Variants in CSMD1 observed in about 807,000 individuals in gnomAD.
The protein encoded by CSMD1 is CUB and sushi domain-containing protein 1.
CSMD1 carries 213 observed loss-of-function variants against 417.5 expected under a neutral mutation model. The ratio of observed to expected loss-of-function variants is 0.51; its 90% CI spans 0.46 to 0.57. The LOEUF is 0.57. CSMD1 is among the 20% of genes least tolerant of loss of function. The probability of loss-of-function intolerance (pLI) is 0.00; values close to 1 mark genes in which losing one functional copy is unlikely to be tolerated. For missense variants in CSMD1, 6,923 were observed against 4,529.7 expected (o/e 1.53, Z -15.17); for synonymous variants, 2,862 against 1,736.8 (o/e 1.65, Z -16.11).
At chr8:4,937,279 C>T (rs1021809164) in intron 1 of CSMD1, among the ~76,000 whole-genome samples, 16 of 152,096 alleles carry the variant, frequency 1.1e-4, no homozygotes, top group Non-Finnish European at 2.9e-5. Flanking sequence ...ATAGTCCTAT[C>T]TTCACTGGGG....
intron 26 of CSMD1, among the ~76,000 whole-genome samples, chr8:3,257,504 G>T (rs58330670): frequency 6.6e-6 from 1 of 152,160 alleles, no homozygotes; most frequent in African/African-American, 2.4e-5. Flanking sequence ...GTGACAGTGC[G>T]TTGGGATAAA....
At chr8:4,020,874 T>C (rs1796754327) in intron 4 of CSMD1, among the ~76,000 whole-genome samples, 1 of 152,222 alleles carries the variant, frequency 6.6e-6, no homozygotes, top group Non-Finnish European at 1.5e-5. Flanking sequence ...AGGGACCCTA[T>C]TTTTGGTCCT....
Position 3,016,796 on chromosome 8 carries a change from G to A in CSMD1, c.8029+1681C>T, listed in dbSNP as rs561465135. Among the ~76,000 whole-genome samples, 5 of 152,210 alleles carry A rather than the reference G, an allele frequency of 3.3e-5. No homozygotes were observed. In the South Asian group the frequency reaches 1.0e-3, roughly 32 times the overall value. ...TGAGCAAATGGACTCATTTCTGAGT[G>A]AATCATCTTTCAAAAGCTGCTAAGA... On this transcript the variant is annotated intron_variant, in intron 52 of 69. Coordinates refer to ENST00000635120, the MANE Select transcript of CSMD1 (RefSeq NM_033225.6).
intron 1 of CSMD1, among the ~76,000 whole-genome samples, chr8:4,848,168 C>G (rs1022005629): frequency 4.6e-5 from 7 of 152,158 alleles, no homozygotes; most frequent in African/African-American, 1.7e-4. Flanking sequence ...CTTGGTCTGG[C>G]TGAATAATAT....
At chr8:4,570,253 C>G (rs1284760132) in intron 2 of CSMD1, among the ~76,000 whole-genome samples, 1 of 152,168 alleles carries the variant, frequency 6.6e-6, no homozygotes, top group Non-Finnish European at 1.5e-5. Flanking sequence ...TTTGACCATT[C>G]TGTATGACAT....
intron 3 of CSMD1, among the ~76,000 whole-genome samples, chr8:4,149,002 T>G (rs552041778): frequency 6.6e-6 from 1 of 152,046 alleles, no homozygotes; most frequent in East Asian, 1.9e-4. Context: ...TCACTCTTGT[T>G]GCCCAGGCTG....
intron 54 of CSMD1, among the ~76,000 whole-genome samples, chr8:2,996,481 G>A (rs1200281969): frequency 6.6e-6 from 1 of 152,176 alleles, no homozygotes; most frequent in Non-Finnish European, 1.5e-5. Context: ...AGGAGCTGAG[G>A]GCAGGGTGAG....
intron 1 of CSMD1, among the ~76,000 whole-genome samples, chr8:4,947,887 G>T (rs1349544119): frequency 6.6e-6 from 1 of 151,982 alleles, no homozygotes; most frequent in East Asian, 1.9e-4. Context: ...ATATTGCAAG[G>T]TGTGCGTCCA....
At chr8:3,835,196 G>T (rs1182489602) in intron 5 of CSMD1, among the ~76,000 whole-genome samples, 1 of 149,924 alleles carries the variant, frequency 6.7e-6, no homozygotes, top group South Asian at 2.1e-4. Context: ...AATACCATTT[G>T]ACCCAGCCAT....
intron 57 of CSMD1, among the ~76,000 whole-genome samples, chr8:2,971,733 TTTGA>T (rs1295258468): frequency 2.0e-5 from 3 of 152,202 alleles, no homozygotes; most frequent in African/African-American, 7.2e-5. Flanking sequence ...AACATTTGCA[TTTGA>T]TTAACAAATT....
At chr8:4,539,843 A>G (rs1797291831) in intron 2 of CSMD1, among the ~76,000 whole-genome samples, 1 of 152,128 alleles carries the variant, frequency 6.6e-6, no homozygotes, top group Admixed American at 6.5e-5. Context: ...TAGTTTTCCC[A>G]AACTCTTTTC....
chr8:4,885,099 A>G (rs1803652910), intron 1 of CSMD1, among the ~76,000 whole-genome samples: 1 of 152,150 alleles, frequency 6.6e-6, no homozygotes, highest in African/African-American at 2.4e-5. Flanking sequence ...AAGCTACTGT[A>G]AATGGAATGG....
chr8:3,712,404 GACAGAC>G (rs1252869646), intron 6 of CSMD1, among the ~76,000 whole-genome samples: 17 of 54,202 alleles, frequency 3.1e-4, no homozygotes, highest in African/African-American at 7.0e-4. Flanking sequence ...GAGAGAGACA[GACAGAC>G]AGACAGACAG....
chr8:4,650,296 G>C (rs1803811061), intron 1 of CSMD1, among the ~76,000 whole-genome samples: 1 of 138,638 alleles, frequency 7.2e-6, no homozygotes, highest in Non-Finnish European at 1.5e-5. Flanking sequence ...AGTGAGCCTA[G>C]ATGGTGCCAC....
At chr8:4,609,675 G>T (rs890894324) in intron 2 of CSMD1, among the ~76,000 whole-genome samples, 1 of 152,102 alleles carries the variant, frequency 6.6e-6, no homozygotes, top group Admixed American at 6.6e-5. Context: ...ATTTTACGCT[G>T]CAGATTGTAC....
At chr8:3,667,602 T>A (rs1798765638) in intron 7 of CSMD1, among the ~76,000 whole-genome samples, 1 of 152,104 alleles carries the variant, frequency 6.6e-6, no homozygotes, top group Non-Finnish European at 1.5e-5. Context: ...GATGATTTTG[T>A]GAGTGACAGA....
intron 1 of CSMD1, among the ~76,000 whole-genome samples, chr8:4,780,654 T>C (rs1255008517): frequency 2.0e-5 from 3 of 152,204 alleles, no homozygotes; most frequent in Admixed American, 1.3e-4. Flanking sequence ...TGTGAGATCC[T>C]GGTGCACCCA....
At chr8:4,977,951 T>A (rs1810660904) in intron 1 of CSMD1, among the ~76,000 whole-genome samples, 1 of 152,230 alleles carries the variant, frequency 6.6e-6, no homozygotes, top group Non-Finnish European at 1.5e-5. Flanking sequence ...TATTTGTTGC[T>A]GAGGGTCCTG....
chr8:4,815,479 T>A (rs1433536651), intron 1 of CSMD1, among the ~76,000 whole-genome samples: 1 of 151,894 alleles, frequency 6.6e-6, no homozygotes, highest in African/African-American at 2.4e-5. Context: ...GAGCATCACA[T>A]GAGGTCAGGA....
Sources: gnomAD v4.1 joint callset for allele counts (sites outside exome capture counted in the v4.1 genomes callset) on GRCh38, gnomAD v4.1.1 for gene constraint, MANE v1.5 for transcripts, NCBI Gene and HGNC (gene_info 2026-07-23, HGNC 2026-07-21) for gene names.